The following HEATR4 variants were observed in gnomAD, a reference collection of about 807,000 sequenced individuals.
The protein encoded by HEATR4 is HEAT repeat-containing protein 4.
A neutral mutation model predicts 108.8 loss-of-function variants in HEATR4; 95 were observed. The ratio of observed to expected loss-of-function variants is 0.87; its 90% confidence interval spans 0.74 to 1.04. The LOEUF (loss-of-function observed/expected upper bound fraction) is 1.04. HEATR4 is among the 50% of genes least tolerant of loss of function. The pLI is 0.00. For missense variants in HEATR4, 1,152 were observed against 1,253.8 expected, an observed-to-expected ratio of 0.92 and a Z score of 1.23; for synonymous variants, 443 against 459.4, an observed-to-expected ratio of 0.96 and a Z score of 0.46.
chr14:73,517,899 C>T (rs1887719873), intron 5 of HEATR4, among the ~76,000 whole-genome samples: 2 of 151,776 alleles, frequency 1.3e-5, no homozygotes, highest in African/African-American at 2.4e-5. Context: ...CCATCCTGGC[C>T]AACATGGTGA....
At chr14:73,497,341 A>G (rs115795183) in intron 14 of HEATR4, among the ~76,000 whole-genome samples, 2,960 of 152,262 alleles carry the variant, frequency 0.019, 108 homozygotes, top group African/African-American at 0.067. Context: ...CATCTGGCCA[A>G]GACAATATAT....
chr14:73,627,944 G>T, the HEATR4 span, among the ~76,000 whole-genome samples: 4 of 152,316 alleles, frequency 2.6e-5, no homozygotes, highest in African/African-American at 9.6e-5. Flanking sequence ...GAGTAGCTGG[G>T]ATTACAGGTG....
chr14:73,596,432 T>G, the HEATR4 span: 2 of 151,910 alleles, frequency 1.3e-5, no homozygotes, highest in Non-Finnish European at 2.9e-5. Flanking sequence ...AGGTCAAGAT[T>G]GGTGCAGTGA....
chr14:73,551,742 G>A (rs1348220225), intron 1 of HEATR4, among the ~76,000 whole-genome samples: 1 of 108,748 alleles, frequency 9.2e-6, no homozygotes, highest in African/African-American at 3.0e-5. Context: ...CCAGGAGGCC[G>A]AGGTTGCAGT....
intron 1 of HEATR4, among the ~76,000 whole-genome samples, chr14:73,555,362 G>A (rs1223992005): frequency 9.0e-6 from 1 of 111,284 alleles, no homozygotes; most frequent in Non-Finnish European, 1.9e-5. Flanking sequence ...GGGTGACAAA[G>A]TGCTGAAGCA....
chr14:73,502,833 C>G (rs1298696091), intron 11 of HEATR4, 62 bp downstream of exon 11: 18 of 1,324,460 alleles, frequency 1.4e-5, no homozygotes, highest in Middle Eastern at 1.8e-4. Flanking sequence ...CCTTGCCCAG[C>G]CTGCCTCCTA....
chr14:73,581,120 C>T, the HEATR4 span: 1 of 146,934 alleles, frequency 6.8e-6, no homozygotes, highest in South Asian at 2.2e-4. Flanking sequence ...TTAACCTATC[C>T]ATCACCTCAC....
At chr14:73,606,174 T>C in the HEATR4 span, among the ~76,000 whole-genome samples, 2 of 151,978 alleles carry the variant, frequency 1.3e-5, no homozygotes, top group South Asian at 4.2e-4. Context: ...CTGACCAACA[T>C]GGAGAAAACC....
At chr14:73,612,804 T>G in the HEATR4 span, 1 of 1,402,850 alleles carries the variant, frequency 7.1e-7, no homozygotes, top group Non-Finnish European at 9.3e-7. Context: ...CTCCAGCCCA[T>G]GGGGCTGCTG....
chr14:73,492,639 A>T lies in HEATR4; in HGVS notation c.2844+427T>A. ...GGAGAACCTGTAAACGTGGGGGCCC[A>T]GTTGACAACAGAAACAGAAGTCCAT... On this transcript the variant is annotated intron_variant, in intron 17 of 17. Coordinates refer to ENST00000553558, the MANE Select transcript of HEATR4 (RefSeq NM_001220484.1). The surrounding 1 kb of genome is among the most constrained non-coding windows in gnomAD (Gnocchi z 4.9). The T allele has an allele frequency of 6.2e-7, 1 of 1,613,994 alleles. No homozygotes were observed. Among genetic ancestry groups the T allele is most frequent in the East Asian group, 2.2e-5 (1 of 44,888 alleles).
chr14:73,491,766 T>C (rs1241744484), intron 17 of HEATR4: 5 of 1,567,680 alleles, frequency 3.2e-6, no homozygotes, highest in Non-Finnish European at 3.5e-6. Context: ...CTGGATTCGA[T>C]GCTGCGCAAC....
chr14:73,592,717 G>A, the HEATR4 span, among the ~76,000 whole-genome samples: 3 of 152,110 alleles, frequency 2.0e-5, no homozygotes, highest in African/African-American at 7.2e-5. Flanking sequence ...GTCCAGCCTG[G>A]TGGCACACGC....
intron 17 of HEATR4, chr14:73,491,918 C>G: frequency 6.2e-7 from 1 of 1,613,330 alleles, no homozygotes; most frequent in South Asian, 1.1e-5. Context: ...TCTCCTCTGT[C>G]CGCAGGCTTT....
the HEATR4 span, chr14:73,632,083 T>G: frequency 6.6e-6 from 1 of 152,176 alleles, no homozygotes; most frequent in African/African-American, 2.4e-5. Flanking sequence ...TCCTATAAAT[T>G]TAACCTTAAT....
the HEATR4 span, among the ~76,000 whole-genome samples, chr14:73,568,372 C>T: frequency 6.6e-6 from 1 of 151,734 alleles, no homozygotes; most frequent in Non-Finnish European, 1.5e-5. Context: ...AACACCACAC[C>T]TCTGGTGAAA....
At chr14:73,491,524 G>A (rs1214798136) in intron 17 of HEATR4, 1 of 1,523,418 alleles carries the variant, frequency 6.6e-7, no homozygotes, top group Non-Finnish European at 8.8e-7. Flanking sequence ...CGGCGTCGGG[G>A]CCGCAGGTGG....
intron 5 of HEATR4, among the ~76,000 whole-genome samples, chr14:73,518,797 A>G (rs1010064610): frequency 2.6e-5 from 4 of 152,186 alleles, no homozygotes; most frequent in African/African-American, 9.6e-5. Flanking sequence ...CCTAAGTTAT[A>G]TCAGATCTCA....
the HEATR4 span, among the ~76,000 whole-genome samples, chr14:73,572,994 A>G: frequency 1.3e-5 from 2 of 151,612 alleles, no homozygotes; most frequent in Admixed American, 6.6e-5. Context: ...CTTTAATGTA[A>G]ATGATAAAAA....
intron 9 of HEATR4, 43 bp from the exon 10 acceptor site, chr14:73,506,614 T>A (rs778061121): frequency 7.1e-7 from 1 of 1,405,348 alleles, no homozygotes; most frequent in Non-Finnish European, 1.0e-6. Flanking sequence ...CAATCACTTT[T>A]AGAGATACTA....
Sources: allele counts gnomAD v4.1 joint callset (sites outside exome capture counted in the v4.1 genomes callset), GRCh38; gene constraint gnomAD v4.1.1; non-coding constraint Gnocchi (gnomAD v3.1); transcripts MANE v1.5; gene names NCBI Gene and HGNC (gene_info 2026-07-23, HGNC 2026-07-21).